Variants in COL9A1 observed in about 807,000 individuals in gnomAD.
COL9A1 encodes the protein collagen alpha-1(IX) chain.
A neutral mutation model predicts 142.6 loss-of-function variants in COL9A1; 104 were observed. The ratio of observed to expected loss-of-function variants is 0.73; its 90% CI spans 0.62 to 0.86. COL9A1 has a LOEUF of 0.86. Ranked by LOEUF, COL9A1 falls within the 40% of genes least tolerant of loss-of-function variation. The pLI is 0.00. For missense variants in COL9A1, 1,210 were observed against 1,176.6 expected, an observed-to-expected ratio of 1.03 and a Z score of -0.42; for synonymous variants, 466 against 396.0, an observed-to-expected ratio of 1.18 and a Z score of -2.10.
chr6:70,218,834 C>T (rs1768697939), intron 37 of COL9A1, among the ~76,000 whole-genome samples: 1 of 152,110 alleles, frequency 6.6e-6, no homozygotes, highest in Non-Finnish European at 1.5e-5. Flanking sequence ...TCGATCCACA[C>T]AAAGCAATGT....
chr6:70,227,424 T>TA (rs11407353), intron 36 of COL9A1, among the ~76,000 whole-genome samples: 4,129 of 49,924 alleles, frequency 0.083, 224 homozygotes, highest in South Asian at 0.16. Context: ...ATGCAAATTG[T>TA]AAAAAAAAAA....
At position 70,255,150 on chromosome 6, in the gene COL9A1, C is replaced by A; in HGVS notation, c.1611G>T (p.Thr537=). 1.9e-6 allele frequency: 3 copies of A among 1,614,192 alleles called. No homozygotes were observed. The highest frequency in any genetic ancestry group is 2.5e-6 in the Non-Finnish European group (3 of 1,180,020). The change falls in exon 23 of 38, where the codon ACG becomes ACT. Residue 537 remains threonine (T), a splice_region_variant and synonymous_variant. Coordinates refer to ENST00000357250, the MANE Select transcript of COL9A1 (RefSeq NM_001851.6). ...IPGLPGPKGD[T]GLPGVDGRDG... is the part of the protein sequence containing the mutation. ...TTGATGACTACAGCTCAGGACATAC[C>A]GTGTCTCCTTTGGGCCCAGGGAGAC...
At position 70,260,836 on chromosome 6, in the gene COL9A1, C is replaced by CTA. The variant is rs561603196; in HGVS notation, c.1396-128_1396-127dup. On this transcript the variant is annotated intron_variant, in intron 19 of 37. Coordinates refer to ENST00000357250, the MANE Select transcript of COL9A1 (RefSeq NM_001851.6). Reference sequence around the variant, plus strand: ...CAAAGGTAATACCAAGAAATAGTAACTATATATATATAGACAAACATTTCT... The same window carrying CTA: ...CAAAGGTAATACCAAGAAATAGTAACTATATATATATATAGACAAACATTTCT... 2.4e-3 allele frequency: 1,908 copies of CTA among 786,108 alleles called. 3 individuals are homozygous for CTA. Among genetic ancestry groups the CTA allele is most frequent in the Middle Eastern group, 0.012 (51 of 4,234 alleles). The allele number at this position is 786,108 out of a possible 1,614,324, so 48.7% of individuals were successfully genotyped here.
intron 15 of COL9A1, 33 bp downstream of exon 15, chr6:70,270,279 GAC>G: frequency 6.2e-7 from 1 of 1,601,872 alleles, no homozygotes; most frequent in South Asian, 1.1e-5. Flanking sequence ...CTGACTCTCA[GAC>G]ACAAACAGAA....
Position 70,254,373 on chromosome 6 carries a change from C to T in COL9A1, c.1719+103G>A. 3 of 1,001,760 alleles carry T rather than the reference C, an allele frequency of 3.0e-6. No homozygotes were observed. In the South Asian group the frequency reaches 4.5e-5, roughly 15 times the overall value. The allele number at this position is 1,001,760 out of a possible 1,614,324, so 62.1% of individuals were successfully genotyped here. On this transcript the variant is annotated intron_variant, in intron 25 of 37. Transcript: ENST00000357250. Reference sequence around the variant, plus strand: ...AAAATGTAAAAGTAAAACATCATATCTTCCCCAGAACTTATCAGATTAGGT... The same window carrying T: ...AAAATGTAAAAGTAAAACATCATATTTTCCCCAGAACTTATCAGATTAGGT...
chr6:70,240,776 C>T (rs370480770), intron 31 of COL9A1, 43 bp from the exon 32 acceptor site: 264 of 1,474,732 alleles, frequency 1.8e-4, no homozygotes, highest in South Asian at 5.3e-4. Context: ...ATTCTTAGTC[C>T]CATTGCCCAA....
At position 70,242,689 on chromosome 6, in the gene COL9A1, CACTGG is replaced by C; in HGVS notation, c.1894_1898del (p.Pro632GlyfsTer8). On this transcript the variant is annotated frameshift_variant, in exon 29 of 38. Coordinates refer to ENST00000357250, the MANE Select transcript of COL9A1 (RefSeq NM_001851.6). LOFTEE classifies it high-confidence loss of function. ...GTTTACCTGGTAGGCCTGGGGATCC[CACTGG>C]TCCTAATTCTCCTCTACTGCCCTGT... 6.2e-7 allele frequency: 1 copy of C among 1,614,138 alleles called. No individual in the cohort carries two copies. Among genetic ancestry groups the C allele is most frequent in the Non-Finnish European group, 8.5e-7 (1 of 1,180,000 alleles).
intron 36 of COL9A1, among the ~76,000 whole-genome samples, chr6:70,226,704 T>G (rs1315095515): frequency 6.6e-6 from 1 of 152,124 alleles, no homozygotes; most frequent in Non-Finnish European, 1.5e-5. Context: ...GTTTAACATT[T>G]CTAAAGGACA....
chr6:70,256,650 A>C (rs1583273038), intron 21 of COL9A1, 118 bp downstream of exon 21: 1 of 726,500 alleles, frequency 1.4e-6, no homozygotes, highest in African/African-American at 1.8e-5. Context: ...ACATATATAT[A>C]TAAATTGTCC....
At position 70,242,278 on chromosome 6, in the gene COL9A1, G is replaced by A. The variant is rs6455357; in HGVS notation, c.1927-243C>T. The A allele has an allele frequency of 0.15, 89,782 of 587,210 alleles. 8,352 individuals carry two copies. The highest frequency in any genetic ancestry group is 0.31 in the African/African-American group (16,765 of 53,844). The allele number at this position is 587,210 out of a possible 1,614,324, so 36.4% of individuals were successfully genotyped here. The stretch of plus-strand genomic sequence containing the variant: ...CCCCTTGCACTCCTTGGCAACAGTA[G>A]GCTTTTTCAGTCAAGCCCCCGCCAC... On this transcript the variant is annotated intron_variant, in intron 29 of 37. Transcript: ENST00000357250.
At chr6:70,225,752 G>T (rs899351727) in intron 37 of COL9A1, among the ~76,000 whole-genome samples, 180 bp downstream of exon 37, 2 of 152,124 alleles carry the variant, frequency 1.3e-5, no homozygotes, top group East Asian at 3.8e-4. Flanking sequence ...TTTCTGATTT[G>T]ATTTACAGAT....
intron 36 of COL9A1, among the ~76,000 whole-genome samples, chr6:70,229,365 G>C (rs1256691511): frequency 6.6e-6 from 1 of 152,066 alleles, no homozygotes; most frequent in Non-Finnish European, 1.5e-5. Context: ...TGCATAAAGA[G>C]CTTGTAAAAT....
At chr6:70,234,644 A>C (rs1458175507) in intron 34 of COL9A1, 51 bp from the exon 35 acceptor site, 1 of 1,611,154 alleles carries the variant, frequency 6.2e-7, no homozygotes, top group African/African-American at 1.3e-5. Flanking sequence ...CATAAAGAGA[A>C]CATTGTTAAG....
intron 37 of COL9A1, among the ~76,000 whole-genome samples, chr6:70,218,373 T>C (rs1338266448): frequency 6.6e-6 from 1 of 152,196 alleles, no homozygotes; most frequent in Non-Finnish European, 1.5e-5. Context: ...AAGGGTTGTA[T>C]GTTGCCCTCA....
At chr6:70,262,690 A>G (rs1050699630) in intron 19 of COL9A1, among the ~76,000 whole-genome samples, 4 of 152,240 alleles carry the variant, frequency 2.6e-5, no homozygotes, top group Admixed American at 6.5e-5. Context: ...ATTTAACAAC[A>G]TTTGAAATTG....
intron 18 of COL9A1, among the ~76,000 whole-genome samples, chr6:70,265,740 T>C (rs1035454000): frequency 1.1e-4 from 17 of 152,118 alleles, no homozygotes; most frequent in Non-Finnish European, 2.4e-4. Context: ...GCCTATGTAA[T>C]AAGAGACTTT....
chr6:70,253,486 T>C, intron 25 of COL9A1, 57 bp from the exon 26 acceptor site: 1 of 1,261,016 alleles, frequency 7.9e-7, no homozygotes, highest in Non-Finnish European at 1.2e-6. Context: ...ATCCATGAGA[T>C]GCCAAGCCCA....
Position 70,271,757 on chromosome 6 carries a change from A to G in COL9A1, c.1090-49T>C, listed in dbSNP as rs866456489. 18 of 1,498,328 alleles carry G rather than the reference A, an allele frequency of 1.2e-5. No homozygotes were observed. In the Middle Eastern group the frequency reaches 2.4e-3, roughly 199 times the overall value. 92.8% of individuals were successfully genotyped at this position (1,498,328 alleles called of 1,614,324 possible). On this transcript the variant is annotated intron_variant, in intron 13 of 37. Transcript: ENST00000357250. The stretch of plus-strand genomic sequence containing the variant: ...ATGGTCATTTATGAATATTTTTACA[A>G]TCTATCATACATTATATCAAATATG...
chr6:70,295,178 A>C (rs1583348900), intron 4 of COL9A1, among the ~76,000 whole-genome samples: 1 of 148,832 alleles, frequency 6.7e-6, no homozygotes, highest in African/African-American at 2.4e-5. Context: ...GTCTTTTTTT[A>C]GGGAGTTCAA....
Sources: gnomAD v4.1 joint callset for allele counts (sites outside exome capture counted in the v4.1 genomes callset) on GRCh38, gnomAD v4.1.1 for gene constraint, MANE v1.5 for transcripts, NCBI Gene and HGNC (gene_info 2026-07-23, HGNC 2026-07-21) for gene names.